The following KIFC3 variants were observed in gnomAD, a reference collection of about 807,000 sequenced individuals.
KIFC3 encodes kinesin family member C3.
Under a neutral mutation model 101.8 loss-of-function variants are expected in KIFC3, and 60 were observed. That is an observed-to-expected ratio of 0.59 (90% CI 0.48 to 0.73). KIFC3 has a LOEUF of 0.73. Among genes scored for constraint, KIFC3 ranks in the 30% least tolerant of loss-of-function variants. The pLI is 0.00. For synonymous variants in KIFC3, 476 were observed against 482.7 expected (o/e 0.99, Z 0.18); for missense variants, 966 against 1,137.1 (o/e 0.85, Z 2.16).
intron 3 of KIFC3, among the ~76,000 whole-genome samples, chr16:57,787,468 G>A (rs1280241551): frequency 6.6e-6 from 1 of 152,270 alleles, no homozygotes; most frequent in Non-Finnish European, 1.5e-5. Flanking sequence ...CGGCAGGGCA[G>A]TGGGAAGGGG....
intron 1 of KIFC3, among the ~76,000 whole-genome samples, chr16:57,799,542 C>T (rs1024690385): frequency 1.1e-4 from 16 of 152,208 alleles, no homozygotes; most frequent in African/African-American, 3.9e-4. Context: ...GCTGCACCCA[C>T]ACTAAGAACT....
intron 1 of KIFC3, among the ~76,000 whole-genome samples, chr16:57,818,148 T>C (rs1397329844): frequency 1.3e-5 from 2 of 152,028 alleles, no homozygotes; most frequent in Non-Finnish European, 2.9e-5. Context: ...AATTTCACCA[T>C]GTTGGCCAGG....
At chr16:57,785,511 G>C (rs1465420379) in intron 3 of KIFC3, 7 of 1,289,192 alleles carry the variant, frequency 5.4e-6, no homozygotes, top group Non-Finnish European at 6.1e-6. Flanking sequence ...CTGTCGCGGA[G>C]GGCCAGCCTC....
chr16:57,836,031 A>AC (rs2055678325), intron 1 of KIFC3, among the ~76,000 whole-genome samples: 2 of 152,122 alleles, frequency 1.3e-5, no homozygotes, highest in Non-Finnish European at 2.9e-5. Flanking sequence ...AACACACTAG[A>AC]TTCCAGAGGG....
At chr16:57,772,047 G>GGGTACTCCCAC (rs2051303897) in intron 4 of KIFC3, among the ~76,000 whole-genome samples, 176 bp downstream of exon 4, 2 of 152,060 alleles carry the variant, frequency 1.3e-5, no homozygotes, top group African/African-American at 4.8e-5. Flanking sequence ...ACCCCCTGGA[G>GGGTACTCCCAC]CCACAAGGCC....
rs145697657 is a variant in KIFC3, at chr16:57,789,823, G to A, written c.315+5176C>T. On this transcript the variant is annotated intron_variant, in intron 3 of 19. Transcript: ENST00000445690. ...GTGATCTCGGCTCACTGCAATCTCT[G>A]CCTCCCAGGTTCAAGCGATTCTCCT... Among the ~76,000 whole-genome samples the A allele has an allele frequency of 2.9e-3, 444 of 150,744 alleles. 2 individuals are homozygous for A. The highest frequency in any genetic ancestry group is 5.5e-3 in the South Asian group (26 of 4,752).
At chr16:57,845,101 G>A (rs377707186) in intron 1 of KIFC3, among the ~76,000 whole-genome samples, 6 of 152,206 alleles carry the variant, frequency 3.9e-5, no homozygotes, top group East Asian at 1.9e-4. Context: ...AGATGTCCAC[G>A]CTGGAACTTT....
intron 1 of KIFC3, among the ~76,000 whole-genome samples, chr16:57,822,498 A>G (rs1568087258): frequency 6.6e-6 from 1 of 152,132 alleles, no homozygotes. Flanking sequence ...GGAGTTTGAG[A>G]CCAGCCTGCC....
rs1159928000 is a variant in KIFC3, at chr16:57,802,411, G to C, written c.-81C>G. Reference sequence around the variant, plus strand: ...GGATCCAGGCGTCGCCGCAGCGCCCGGGGCTCGGCCCGGCCCGGCCCGCCG... The same window carrying C: ...GGATCCAGGCGTCGCCGCAGCGCCCCGGGCTCGGCCCGGCCCGGCCCGCCG... On this transcript the variant is annotated 5_prime_UTR_variant, in exon 1 of 20. Transcript: ENST00000445690. This position sits in a 1 kb window ranked among gnomAD's most constrained non-coding sequence, Gnocchi z 5.0. 2 of 983,100 alleles carry C rather than the reference G, an allele frequency of 2.0e-6. No individual in the cohort carries two copies. The highest frequency in any genetic ancestry group is 2.4e-6 in the Non-Finnish European group (2 of 829,056). The allele number at this position is 983,100 out of a possible 1,614,324, so 60.9% of individuals were successfully genotyped here. A position where few individuals can be genotyped will look rare whatever the true frequency, so the allele number is the denominator to read the frequency against.
chr16:57,821,997 G>A (rs527790138), intron 1 of KIFC3, among the ~76,000 whole-genome samples: 2 of 152,248 alleles, frequency 1.3e-5, no homozygotes, highest in South Asian at 2.1e-4. Flanking sequence ...GATCACTTGA[G>A]CCTGGGAGAT....
intron 3 of KIFC3, among the ~76,000 whole-genome samples, chr16:57,793,417 A>C (rs1034223776): frequency 1.4e-4 from 21 of 151,860 alleles, no homozygotes; most frequent in Admixed American, 1.3e-4. Context: ...ACATGATGAA[A>C]CCCTGTCTCT....
At chr16:57,770,423 G>C (rs1018746018) in intron 7 of KIFC3, 104 bp downstream of exon 7, 1 of 1,072,692 alleles carries the variant, frequency 9.3e-7, no homozygotes, top group East Asian at 3.1e-5. Context: ...AGGAGGGACT[G>C]GACCCCGTGT....
intron 1 of KIFC3, chr16:57,816,263 A>T (rs1358270700): frequency 5.4e-6 from 7 of 1,288,620 alleles, no homozygotes; most frequent in South Asian, 1.2e-5. Context: ...AAATCACGAC[A>T]CTCCTTGCCC....
intron 1 of KIFC3, among the ~76,000 whole-genome samples, chr16:57,810,076 A>C (rs892510425): frequency 2.0e-5 from 3 of 151,798 alleles, no homozygotes; most frequent in Non-Finnish European, 4.4e-5. Context: ...GCGGTCCAAC[A>C]CTCTGGCCCA....
chr16:57,770,024 A>G, intron 7 of KIFC3, 69 bp from the exon 8 acceptor site: 1 of 1,548,868 alleles, frequency 6.5e-7, no homozygotes. Flanking sequence ...CCACACCGAG[A>G]AAGAAACTGG....
At position 57,769,754 on chromosome 16, in the gene KIFC3, G is replaced by T. The variant is rs3803592; in HGVS notation, c.1088-29C>A. The T allele has an allele frequency of 6.2e-7, 1 of 1,612,594 alleles. No individual in the cohort carries two copies. Among genetic ancestry groups the T allele is most frequent in the African/African-American group, 1.3e-5 (1 of 74,906 alleles). ...TGGGGACACTCGGGCTGTGAGGCGGGAGGGGATGAGGGGCCGCGGCGTGGG... is the reference window on the plus strand; with the variant it reads ...TGGGGACACTCGGGCTGTGAGGCGGTAGGGGATGAGGGGCCGCGGCGTGGG... On this transcript the variant is annotated intron_variant, in intron 8 of 19. Coordinates refer to ENST00000445690, the MANE Select transcript of KIFC3 (RefSeq NM_001130100.2). The surrounding 1 kb of genome is among the most constrained non-coding windows in gnomAD (Gnocchi z 4.3).
At chr16:57,796,112 T>C (rs1335362114) in intron 2 of KIFC3, among the ~76,000 whole-genome samples, 5 of 152,060 alleles carry the variant, frequency 3.3e-5, no homozygotes, top group African/African-American at 1.2e-4. Flanking sequence ...AGGCTGGTCT[T>C]GAACTCCTAA....
intron 1 of KIFC3, among the ~76,000 whole-genome samples, chr16:57,811,713 C>T (rs1025660618): frequency 4.0e-5 from 6 of 151,744 alleles, no homozygotes; most frequent in South Asian, 4.2e-4. Flanking sequence ...GTCAGGAGTT[C>T]GAGACCAGCC....
At chr16:57,812,322 A>G (rs547870693) in intron 1 of KIFC3, among the ~76,000 whole-genome samples, 4 of 150,154 alleles carry the variant, frequency 2.7e-5, no homozygotes, top group South Asian at 4.2e-4. Flanking sequence ...GATTACAGGC[A>G]TGAGCCACTG....
Sources: allele counts gnomAD v4.1 joint callset (sites outside exome capture counted in the v4.1 genomes callset), GRCh38; gene constraint gnomAD v4.1.1; non-coding constraint Gnocchi (gnomAD v3.1); transcripts MANE v1.5; gene names NCBI Gene and HGNC (gene_info 2026-07-23, HGNC 2026-07-21).